KDM4B: variants seen among roughly 807,000 people sequenced by gnomAD.
KDM4B encodes lysine-specific demethylase 4B.
KDM4B carries 32 observed loss-of-function variants against 125.2 expected under a neutral mutation model. The observed-to-expected ratio is 0.26, with a 90% CI of 0.19 to 0.34. The LOEUF is 0.34. KDM4B is among the 10% of genes least tolerant of loss of function. The pLI is 1.00. For synonymous variants in KDM4B, 721 were observed against 677.9 expected (o/e 1.06, Z -0.99); for missense variants, 1,190 against 1,577.7 (o/e 0.75, Z 4.16).
chr19:5,109,421 C>T (rs2039095986), intron 9 of KDM4B, among the ~76,000 whole-genome samples: 1 of 152,194 alleles, frequency 6.6e-6, no homozygotes, highest in Non-Finnish European at 1.5e-5. Context: ...TCCCAGTGCC[C>T]AGTGTGACCA....
In KDM4B at chr19:5,114,030, TGATG is replaced by T. The variant is rs1377277766; in HGVS notation, c.1115+3218_1115+3221del. On this transcript the variant is annotated intron_variant, in intron 10 of 22. Transcript: ENST00000159111. This position sits in a 1 kb window ranked among gnomAD's most constrained non-coding sequence, Gnocchi z 5.8. ...TGGGGGCTGTTTGTATTCTTCCCCC[TGATG>T]GATGGGTCGCCTAAAACTGCAGCCT... 7.8e-7 allele frequency: 1 copy of T among 1,283,588 alleles called. No homozygotes were observed. Among genetic ancestry groups the T allele is most frequent in the Non-Finnish European group, 1.0e-6 (1 of 985,376 alleles). 79.5% of individuals were successfully genotyped at this position (1,283,588 alleles called of 1,614,324 possible).
At chr19:4,986,955 TA>T (rs1308733684) in intron 1 of KDM4B, among the ~76,000 whole-genome samples, 3 of 152,150 alleles carry the variant, frequency 2.0e-5, no homozygotes, top group Non-Finnish European at 4.4e-5. Flanking sequence ...ATTTTTATTT[TA>T]TTTTATTTTT....
chr19:5,151,400 C>T lies in KDM4B; in HGVS notation c.3180C>T (p.Arg1060=), dbSNP rs2039945123. 2 of 1,584,362 alleles carry T rather than the reference C, an allele frequency of 1.3e-6. No individual in the cohort carries two copies. The highest frequency in any genetic ancestry group is 8.6e-7 in the Non-Finnish European group (1 of 1,167,576). The change falls in exon 23 of 23, where the codon CGC becomes CGT. Residue 1060 remains arginine, a synonymous_variant. Coordinates refer to ENST00000159111, the MANE Select transcript of KDM4B (RefSeq NM_015015.3). ...FSGEEAKAAK[R]PRVGTPLATE... ...GGGAGGAGGCCAAGGCCGCCAAGCGCCCGCGTGTGGGCACCCCGCTTGCCA... is the reference window on the plus strand; with the variant it reads ...GGGAGGAGGCCAAGGCCGCCAAGCGTCCGCGTGTGGGCACCCCGCTTGCCA...
Position 5,131,423 on chromosome 19 carries a change from G to C in KDM4B, c.1663G>C (p.Ala555Pro), listed in dbSNP as rs1446068042. The C allele has an allele frequency of 6.2e-7, 1 of 1,610,752 alleles. No individual in the cohort carries two copies. The highest frequency in any genetic ancestry group is 2.2e-5 in the East Asian group (1 of 44,758). Reference protein sequence around the residue: ...VSCQQAFEHFAQKGPTWKEPV... With the variant: ...VSCQQAFEHFPQKGPTWKEPV... ...CTGCCAGCAGGCCTTTGAGCACTTT[G>C]CCCAGAAGGGTCCGACCTGGAAGGA... The change falls in exon 12 of 23, where the codon GCC (alanine) becomes CCC (proline). Residue 555 changes from alanine (A) to proline (P), a missense_variant. Physicochemically the swap from Ala to Pro is conservative, Grantham distance 27. Around this residue, in one of 7 missense-constraint regions of KDM4B, gnomAD observed 428 missense variants for 405.1 expected, o/e 1.06. Coordinates refer to ENST00000159111, the MANE Select transcript of KDM4B (RefSeq NM_015015.3).
chr19:5,143,544 G>A (rs922468512), intron 18 of KDM4B, among the ~76,000 whole-genome samples: 3 of 152,080 alleles, frequency 2.0e-5, no homozygotes, highest in South Asian at 2.1e-4. Context: ...TGCAGAACAC[G>A]GGGTCACATG....
chr19:5,111,443 C>T, intron 10 of KDM4B: 1 of 765,316 alleles, frequency 1.3e-6, no homozygotes, highest in Non-Finnish European at 2.4e-6. Flanking sequence ...GGAGGAGAGG[C>T]CAAAGCATCT....
At chr19:5,001,463 G>A (rs894248302) in intron 1 of KDM4B, among the ~76,000 whole-genome samples, 16 of 152,184 alleles carry the variant, frequency 1.1e-4, no homozygotes, top group Non-Finnish European at 1.3e-4. Context: ...GGGATGCAGC[G>A]AAGTCCACCC....
At chr19:5,130,950 G>A (rs964707850) in intron 11 of KDM4B, 126 bp from the exon 12 acceptor site, 24 of 693,234 alleles carry the variant, frequency 3.5e-5, no homozygotes, top group East Asian at 1.7e-4. Context: ...ACCCATGTTC[G>A]TGTGGCCTCT....
chr19:5,034,175 C>T (rs1009840411), intron 3 of KDM4B, among the ~76,000 whole-genome samples: 5 of 152,250 alleles, frequency 3.3e-5, no homozygotes, highest in East Asian at 1.9e-4. Context: ...GCACGTTTCA[C>T]GGCTCTGAAG....
intron 2 of KDM4B, among the ~76,000 whole-genome samples, chr19:5,026,323 C>G (rs982007884): frequency 1.3e-5 from 2 of 151,934 alleles, no homozygotes; most frequent in South Asian, 2.1e-4. Flanking sequence ...CCACGCCCAG[C>G]CTTAAAATGT....
intron 18 of KDM4B, among the ~76,000 whole-genome samples, chr19:5,143,215 C>A (rs991722878): frequency 6.6e-6 from 1 of 151,696 alleles, no homozygotes; most frequent in African/African-American, 2.4e-5. Context: ...CCCAGCTACT[C>A]AGGAGGCTGA....
rs760755334 is a variant in KDM4B at position 5,151,546 on chromosome 19, G to C, written c.*35G>C. 1.7e-5 allele frequency: 22 copies of C among 1,313,758 alleles called. 1 individual carries two copies. In the South Asian group the frequency reaches 4.0e-4, roughly 24 times the overall value. The allele number at this position is 1,313,758 out of a possible 1,614,324, so 81.4% of individuals were successfully genotyped here. On this transcript the variant is annotated 3_prime_UTR_variant, in exon 23 of 23. Coordinates refer to ENST00000159111, the MANE Select transcript of KDM4B (RefSeq NM_015015.3). ...CCGCTCAGGCGACCCTCAGCCCGGCGGGGAGGCCATGGCATGCCCCGGGCG... is the reference window on the plus strand; with the variant it reads ...CCGCTCAGGCGACCCTCAGCCCGGCCGGGAGGCCATGGCATGCCCCGGGCG...
intron 9 of KDM4B, among the ~76,000 whole-genome samples, chr19:5,084,366 T>C (rs2038403713): frequency 6.9e-6 from 1 of 144,684 alleles, no homozygotes; most frequent in African/African-American, 2.5e-5. Flanking sequence ...ATATATTGTA[T>C]ATAATTTATA....
At chr19:5,036,128 T>G (rs2036618784) in intron 3 of KDM4B, among the ~76,000 whole-genome samples, 1 of 152,166 alleles carries the variant, frequency 6.6e-6, no homozygotes, top group Non-Finnish European at 1.5e-5. Flanking sequence ...AGGAGCACAG[T>G]GCCCTGCTGG....
intron 9 of KDM4B, among the ~76,000 whole-genome samples, chr19:5,086,104 C>T (rs1327451384): frequency 6.6e-6 from 1 of 152,128 alleles, no homozygotes; most frequent in African/African-American, 2.4e-5. Flanking sequence ...CAGAAGAGAG[C>T]CAAAGAGGAG....
chr19:5,147,348 G>A (rs922848810), intron 21 of KDM4B, among the ~76,000 whole-genome samples: 7 of 152,164 alleles, frequency 4.6e-5, no homozygotes, highest in Non-Finnish European at 8.8e-5. Context: ...CCCTGGTGGC[G>A]AAGGAAGTGC....
intron 6 of KDM4B, among the ~76,000 whole-genome samples, chr19:5,056,677 G>A (rs930472465): frequency 6.6e-6 from 1 of 152,168 alleles, no homozygotes; most frequent in Non-Finnish European, 1.5e-5. Flanking sequence ...AAGTGCTGGC[G>A]TTACAGACGT....
intron 1 of KDM4B, among the ~76,000 whole-genome samples, chr19:4,992,492 G>A (rs1396257416): frequency 6.6e-6 from 1 of 151,646 alleles, no homozygotes; most frequent in African/African-American, 2.4e-5. Flanking sequence ...CTGTTGCCCA[G>A]ACTGGAGTGC....
chr19:5,066,474 G>A (rs776247836), intron 6 of KDM4B, among the ~76,000 whole-genome samples: 54 of 152,166 alleles, frequency 3.5e-4, no homozygotes, highest in Middle Eastern at 3.4e-3. Context: ...TACACTGCTG[G>A]ACCATCATTT....
Sources: allele counts gnomAD v4.1 joint callset (sites outside exome capture counted in the v4.1 genomes callset), GRCh38; gene constraint gnomAD v4.1.1; regional missense constraint gnomAD v4.1.1; non-coding constraint Gnocchi (gnomAD v3.1); transcripts MANE v1.5; gene names NCBI Gene and HGNC (gene_info 2026-07-23, HGNC 2026-07-21).